Variants in CNTN6 observed in about 807,000 individuals in gnomAD.
CNTN6 encodes contactin-6.
CNTN6 carries 137 observed loss-of-function variants against 122.8 expected under a neutral mutation model. The observed-to-expected ratio is 1.12, with a 90% CI of 0.97 to 1.29. CNTN6 has a LOEUF of 1.29. Ranked by LOEUF, CNTN6 falls within the 50% of genes most tolerant of loss-of-function variation. The pLI is 0.00. For missense variants in CNTN6, 1,634 were observed against 1,223.4 expected (o/e 1.34, Z -5.01); for synonymous variants, 570 against 426.0 (o/e 1.34, Z -4.16).
chr3:1,204,619 T>G (rs1303366789), intron 2 of CNTN6, among the ~76,000 whole-genome samples: 2 of 152,206 alleles, frequency 1.3e-5, no homozygotes, highest in African/African-American at 2.4e-5. Flanking sequence ...TTCCATAGTT[T>G]TATTTCAGTT....
intron 1 of CNTN6, among the ~76,000 whole-genome samples, chr3:1,134,971 A>G (rs1468606743): frequency 6.6e-6 from 1 of 152,006 alleles, no homozygotes; most frequent in East Asian, 1.9e-4. Flanking sequence ...TGCAAATTGT[A>G]TCTCCTTTGG....
At chr3:1,371,749 C>T (rs552827128) in intron 12 of CNTN6, among the ~76,000 whole-genome samples, 17 of 152,222 alleles carry the variant, frequency 1.1e-4, no homozygotes, top group Non-Finnish European at 2.4e-4. Context: ...AAAGGGAAAA[C>T]TTCCATCTTC....
intron 2 of CNTN6, among the ~76,000 whole-genome samples, chr3:1,205,609 A>G (rs1202785891): frequency 6.6e-6 from 1 of 152,168 alleles, no homozygotes; most frequent in African/African-American, 2.4e-5. Context: ...AGTCCCTCAC[A>G]AAATCCAAAT....
chr3:1,390,650 G>C (rs1437802154), intron 20 of CNTN6, among the ~76,000 whole-genome samples: 11 of 150,832 alleles, frequency 7.3e-5, no homozygotes, highest in Admixed American at 2.0e-4. Context: ...CAACAAAATT[G>C]ATAGACCGCT....
intron 4 of CNTN6, among the ~76,000 whole-genome samples, chr3:1,254,001 T>G (rs2094713091): frequency 6.6e-6 from 1 of 152,204 alleles, no homozygotes; most frequent in Non-Finnish European, 1.5e-5. Flanking sequence ...ATAAATGGGA[T>G]TGTTCTAGTA....
intron 5 of CNTN6, among the ~76,000 whole-genome samples, chr3:1,287,138 C>T (rs1295986783): frequency 6.6e-6 from 1 of 152,124 alleles, no homozygotes; most frequent in Non-Finnish European, 1.5e-5. Context: ...TTTAACACCC[C>T]ACTGTCAATA....
At chr3:1,315,426 T>A (rs891155693) in intron 7 of CNTN6, among the ~76,000 whole-genome samples, 1 of 151,878 alleles carries the variant, frequency 6.6e-6, no homozygotes, top group Non-Finnish European at 1.5e-5. Flanking sequence ...GCTCTGGAAC[T>A]CTAAGTGGAG....
chr3:1,268,172 C>T (rs1207954397), intron 4 of CNTN6, among the ~76,000 whole-genome samples: 1 of 152,204 alleles, frequency 6.6e-6, no homozygotes, highest in African/African-American at 2.4e-5. Flanking sequence ...AGCAGGGCAG[C>T]CTAGGATTTT....
At chr3:1,197,772 A>T (rs1285594158) in intron 2 of CNTN6, among the ~76,000 whole-genome samples, 1 of 152,194 alleles carries the variant, frequency 6.6e-6, no homozygotes, top group Admixed American at 6.5e-5. Context: ...CAGGGACATC[A>T]AAAGGATTAA....
At chr3:1,300,529 A>AAGAAAGAGAG (rs1195988912) in intron 7 of CNTN6, among the ~76,000 whole-genome samples, 3 of 127,972 alleles carry the variant, frequency 2.3e-5, no homozygotes, top group African/African-American at 1.4e-4. Context: ...AAGAAAGATA[A>AAGAAAGAGAG]AGAAAGAGAG....
At chr3:1,301,517 T>C (rs538245332) in intron 7 of CNTN6, among the ~76,000 whole-genome samples, 7 of 152,274 alleles carry the variant, frequency 4.6e-5, no homozygotes, top group Admixed American at 2.6e-4. Context: ...CATGAAATAA[T>C]GTTAAATGGG....
intron 7 of CNTN6, among the ~76,000 whole-genome samples, chr3:1,315,277 G>T (rs997919828): frequency 1.2e-4 from 18 of 151,912 alleles, no homozygotes; most frequent in African/African-American, 4.4e-4. Context: ...ATACTGCATT[G>T]CTAGTATCAA....
At chr3:1,289,337 C>T (rs1365507067) in intron 5 of CNTN6, among the ~76,000 whole-genome samples, 3 of 152,164 alleles carry the variant, frequency 2.0e-5, no homozygotes, top group African/African-American at 7.2e-5. Context: ...GTGAGAAATA[C>T]TATGACAGCA....
At chr3:1,099,419 C>T (rs181579569) in intron 1 of CNTN6, among the ~76,000 whole-genome samples, 1 of 152,158 alleles carries the variant, frequency 6.6e-6, no homozygotes, top group Non-Finnish European at 1.5e-5. Flanking sequence ...CCATTACACT[C>T]CAGCCTGGGT....
At chr3:1,190,871 G>T (rs2093692208) in intron 2 of CNTN6, among the ~76,000 whole-genome samples, 1 of 152,226 alleles carries the variant, frequency 6.6e-6, no homozygotes, top group East Asian at 1.9e-4. Flanking sequence ...TACCCAGGTG[G>T]TGGGTACATG....
At chr3:1,309,430 G>A (rs1208299864) in intron 7 of CNTN6, among the ~76,000 whole-genome samples, 1 of 152,100 alleles carries the variant, frequency 6.6e-6, no homozygotes, top group Admixed American at 6.6e-5. Flanking sequence ...TCAAAGATAT[G>A]CTGACTGTAT....
chr3:1,204,972 A>C (rs2093938606), intron 2 of CNTN6, among the ~76,000 whole-genome samples: 2 of 152,256 alleles, frequency 1.3e-5, no homozygotes. Context: ...TAAAAATGGA[A>C]TTGAGGTTGC....
At chr3:1,233,955 G>T (rs1390324378) in intron 4 of CNTN6, among the ~76,000 whole-genome samples, 2 of 152,010 alleles carry the variant, frequency 1.3e-5, no homozygotes, top group Non-Finnish European at 2.9e-5. Flanking sequence ...TTAAAATGCA[G>T]TAAGAATGCA....
At chr3:1,128,679 A>AT (rs1395533655) in intron 1 of CNTN6, among the ~76,000 whole-genome samples, 6 of 151,766 alleles carry the variant, frequency 4.0e-5, no homozygotes, top group Non-Finnish European at 7.4e-5. Context: ...CACCTATTCT[A>AT]TTTTCCTTTT....
Sources: gnomAD v4.1 joint callset for allele counts (sites outside exome capture counted in the v4.1 genomes callset) on GRCh38, gnomAD v4.1.1 for gene constraint, MANE v1.5 for transcripts, NCBI Gene and HGNC (gene_info 2026-07-23, HGNC 2026-07-21) for gene names.